Variants in CCDC146 observed in about 807,000 individuals in gnomAD.
CCDC146 encodes the protein coiled-coil domain containing 146.
Under a neutral mutation model 119.3 loss-of-function variants are expected in CCDC146, and 92 were observed. The observed-to-expected ratio is 0.77, with a 90% CI of 0.65 to 0.92. CCDC146 has a LOEUF of 0.92. Ranked by LOEUF, CCDC146 falls within the 40% of genes least tolerant of loss-of-function variation. The pLI is 0.00. For synonymous variants in CCDC146, 372 were observed against 371.8 expected, an observed-to-expected ratio of 1.00 and a Z score of -0.01; for missense variants, 1,000 against 1,103.0, an observed-to-expected ratio of 0.91 and a Z score of 1.32.
At chr7:77,170,489 C>G (rs1398761654) in intron 2 of CCDC146, among the ~76,000 whole-genome samples, 2 of 152,036 alleles carry the variant, frequency 1.3e-5, no homozygotes, top group Non-Finnish European at 2.9e-5. Context: ...TGGTTTTATA[C>G]CCAGTAATGG....
In CCDC146 at chr7:77,128,943, C is replaced by T. The variant is rs2537482; in HGVS notation, c.-12+6211C>T. Among the ~76,000 whole-genome samples, 150 of 152,100 alleles carry T rather than the reference C, an allele frequency of 9.9e-4. 2 individuals are homozygous for T. The highest frequency in any genetic ancestry group is 6.4e-3 in the East Asian group (33 of 5,194). On this transcript the variant is annotated intron_variant, in intron 1 of 18. Coordinates refer to ENST00000285871, the MANE Select transcript of CCDC146 (RefSeq NM_020879.3). ...GCCCACAAAAACTGTAAAGTGTAGC[C>T]GAAATCCCATGTAGAAGAGAACTAG... is the stretch of plus-strand genomic sequence containing the variant.
chr7:77,228,994 C>T (rs1400103377), intron 2 of CCDC146, among the ~76,000 whole-genome samples: 1 of 152,188 alleles, frequency 6.6e-6, no homozygotes, highest in African/African-American at 2.4e-5. Flanking sequence ...TGCTCTCCCT[C>T]CCCCAACTAA....
Position 77,196,852 on chromosome 7 carries a change from T to TC in CCDC146, c.156+29034dup. 2 of 1,613,836 alleles carry TC rather than the reference T, an allele frequency of 1.2e-6. No homozygotes were observed. The highest frequency in any genetic ancestry group is 1.7e-6 in the Non-Finnish European group (2 of 1,179,906). ...GACGTGCCTGCAGCACTGTCCAGCC[T>TC]CCCCCCATGGTCTCCATGTCACAGT... On this transcript the variant is annotated intron_variant, in intron 2 of 18. Transcript: ENST00000285871. This position sits in a 1 kb window ranked among gnomAD's most constrained non-coding sequence, Gnocchi z 4.2.
At chr7:77,148,764 A>G (rs559389438) in intron 1 of CCDC146, among the ~76,000 whole-genome samples, 4 of 152,088 alleles carry the variant, frequency 2.6e-5, no homozygotes, top group Admixed American at 2.0e-4. Context: ...TAGGAATCCA[A>G]CTTACAAGGG....
At chr7:77,208,587 A>G (rs915569066) in intron 2 of CCDC146, among the ~76,000 whole-genome samples, 4 of 152,186 alleles carry the variant, frequency 2.6e-5, no homozygotes, top group Admixed American at 1.3e-4. Flanking sequence ...GACTATAACT[A>G]CTGCTATGTT....
At chr7:77,166,248 AAG>A in intron 1 of CCDC146, among the ~76,000 whole-genome samples, 1 of 152,334 alleles carries the variant, frequency 6.6e-6, no homozygotes, top group South Asian at 2.1e-4. Flanking sequence ...GATTTTTATG[AAG>A]AGTTAAATCT....
At chr7:77,211,740 T>C (rs891292270) in intron 2 of CCDC146, among the ~76,000 whole-genome samples, 1 of 152,082 alleles carries the variant, frequency 6.6e-6, no homozygotes. Context: ...CTCAGCCTCC[T>C]GAGTAGCTGG....
At chr7:77,238,699 G>T (rs1402274211) in intron 3 of CCDC146, among the ~76,000 whole-genome samples, 2 of 152,178 alleles carry the variant, frequency 1.3e-5, no homozygotes, top group Non-Finnish European at 2.9e-5. Context: ...TTACAGGCGT[G>T]AGCCACCGTG....
intron 1 of CCDC146, among the ~76,000 whole-genome samples, chr7:77,146,033 T>C (rs1199974452): frequency 6.6e-6 from 1 of 151,884 alleles, no homozygotes. Context: ...AAGTCTCCCA[T>C]TATCATTGTG....
At chr7:77,187,993 C>G (rs1222177702) in intron 2 of CCDC146, among the ~76,000 whole-genome samples, 3 of 152,244 alleles carry the variant, frequency 2.0e-5, no homozygotes, top group African/African-American at 4.8e-5. Flanking sequence ...GCTGAGTGTT[C>G]AAACTGCGTT....
At chr7:77,254,743 C>G (rs928347335) in intron 5 of CCDC146, among the ~76,000 whole-genome samples, 180 bp downstream of exon 5, 16 of 152,112 alleles carry the variant, frequency 1.1e-4, no homozygotes, top group Non-Finnish European at 2.2e-4. Flanking sequence ...ATAAGTGATG[C>G]CTATTATAGA....
intron 1 of CCDC146, among the ~76,000 whole-genome samples, chr7:77,127,735 GT>G (rs1774525889): frequency 6.6e-6 from 1 of 151,998 alleles, no homozygotes; most frequent in South Asian, 2.1e-4. Flanking sequence ...AACCTTCAGC[GT>G]TTCCTTGCTC....
At chr7:77,201,673 C>A (rs952247007) in intron 2 of CCDC146, among the ~76,000 whole-genome samples, 1 of 151,956 alleles carries the variant, frequency 6.6e-6, no homozygotes, top group Admixed American at 6.6e-5. Context: ...GTTCTACACA[C>A]CTTATGACTT....
chr7:77,199,425 TC>T (rs1187257827), intron 2 of CCDC146: 1 of 1,614,144 alleles, frequency 6.2e-7, no homozygotes, highest in East Asian at 2.2e-5. Flanking sequence ...CACCAACCTC[TC>T]CCGGGGCTCC....
In CCDC146 at chr7:77,262,101, TCTTC is replaced by T; in HGVS notation, c.987-16_987-13del. ...GCTGATAACAAAATCATTTTCTTCT[TCTTC>T]CTTTACCTGGAACAGAGGGATCTTG... is the stretch of plus-strand genomic sequence containing the variant. On this transcript the variant is annotated splice_polypyrimidine_tract_variant and intron_variant, in intron 8 of 18. Coordinates refer to ENST00000285871, the MANE Select transcript of CCDC146 (RefSeq NM_020879.3). 6.5e-7 allele frequency: 1 copy of T among 1,545,188 alleles called. No homozygotes were observed. Among genetic ancestry groups the T allele is most frequent in the Non-Finnish European group, 8.7e-7 (1 of 1,146,842 alleles).
intron 11 of CCDC146, among the ~76,000 whole-genome samples, chr7:77,278,184 T>C (rs1335784897): frequency 6.6e-6 from 1 of 152,170 alleles, no homozygotes; most frequent in Non-Finnish European, 1.5e-5. Flanking sequence ...CTATTTTCCA[T>C]AAACTACACT....
At chr7:77,232,775 G>A (rs533214720) in intron 2 of CCDC146, among the ~76,000 whole-genome samples, 5 of 152,286 alleles carry the variant, frequency 3.3e-5, no homozygotes, top group Admixed American at 2.6e-4. Context: ...GGGGAAGAAG[G>A]GGAGGATGAG....
intron 4 of CCDC146, among the ~76,000 whole-genome samples, chr7:77,243,270 G>C (rs1792883307): frequency 6.6e-6 from 1 of 152,198 alleles, no homozygotes; most frequent in Non-Finnish European, 1.5e-5. Context: ...TATTCACTGA[G>C]ATGGGAAGGA....
rs550432023 is a variant in CCDC146 at position 77,286,939 on chromosome 7, G to A, written c.2277+13G>A. ...AAAATTAGACAAGGTAAACATTATT[G>A]CTTAAAATTGCATCTGTTAGCTCCT... is the stretch of plus-strand genomic sequence containing the variant. On this transcript the variant is annotated intron_variant, in intron 16 of 18. Coordinates refer to ENST00000285871, the MANE Select transcript of CCDC146 (RefSeq NM_020879.3). 5 of 1,613,734 alleles carry A rather than the reference G, an allele frequency of 3.1e-6. No individual in the cohort carries two copies. In the African/African-American group the frequency reaches 6.7e-5, roughly 22 times the overall value.
Sources: allele counts gnomAD v4.1 joint callset (sites outside exome capture counted in the v4.1 genomes callset), GRCh38; gene constraint gnomAD v4.1.1; non-coding constraint Gnocchi (gnomAD v3.1); transcripts MANE v1.5; gene names NCBI Gene and HGNC (gene_info 2026-07-23, HGNC 2026-07-21).